Variants in PFKP observed in about 807,000 individuals in gnomAD.
PFKP encodes the protein ATP-dependent 6-phosphofructokinase, platelet type.
PFKP carries 101 observed loss-of-function variants against 94.3 expected under a neutral mutation model. The ratio of observed to expected loss-of-function variants is 1.07; its 90% CI spans 0.91 to 1.26. The LOEUF (loss-of-function observed/expected upper bound fraction) is 1.26. Among genes scored for constraint, PFKP ranks in the 50% most tolerant of loss-of-function variants. The pLI, the probability that PFKP is intolerant of heterozygous loss-of-function variation, is 0.00. For synonymous variants in PFKP, 573 were observed against 432.6 expected (o/e 1.32, Z -4.03); for missense variants, 1,145 against 1,103.3 (o/e 1.04, Z -0.53).
chr10:3,115,703 A>T (rs9423680), intron 13 of PFKP, among the ~76,000 whole-genome samples: 48,728 of 152,070 alleles, frequency 0.32, 8,158 homozygotes, highest in African/African-American at 0.39. Context: ...GTCTCCACGT[A>T]GTTAAAGATG....
chr10:3,096,511 G>A (rs935766412), intron 2 of PFKP, among the ~76,000 whole-genome samples: 8 of 152,100 alleles, frequency 5.3e-5, no homozygotes, highest in Non-Finnish European at 8.8e-5. Context: ...GGGAGGTCCC[G>A]GTTTCTGCTG....
chr10:3,129,895 G>A lies in PFKP; in HGVS notation c.1760G>A (p.Cys587Tyr). The A allele has an allele frequency of 6.2e-7, 1 of 1,613,446 alleles. No homozygotes were observed. Among genetic ancestry groups the A allele is most frequent in the Non-Finnish European group, 8.5e-7 (1 of 1,179,856 alleles). The change falls in exon 17 of 22, where the codon TGT becomes TAT. Residue 587 changes from cysteine to tyrosine, a missense_variant. Physicochemically the swap from Cys to Tyr is radical, Grantham distance 194 (BLOSUM62 -2). This residue lies in a region of PFKP where 1,119 missense variants were observed against 1,062.8 expected (regional missense o/e 1.05). Coordinates refer to ENST00000381125, the MANE Select transcript of PFKP (RefSeq NM_002627.5). ...ATCATCGAGACCATGGGCGGCTACTGTGGCTACCTGGCCAACATGGGGGGG... is the reference window on the plus strand; with the variant it reads ...ATCATCGAGACCATGGGCGGCTACTATGGCTACCTGGCCAACATGGGGGGG... ...VFIIETMGGY[C>Y]GYLANMGGLA...
chr10:3,112,686 T>A (rs1325036890), intron 11 of PFKP, among the ~76,000 whole-genome samples: 1 of 152,178 alleles, frequency 6.6e-6, no homozygotes, highest in African/African-American at 2.4e-5. Context: ...GCCTCCCAAG[T>A]AGCTGCGACT....
intron 6 of PFKP, 101 bp from the exon 7 acceptor site, chr10:3,105,292 C>CT: frequency 7.7e-7 from 1 of 1,297,110 alleles, no homozygotes; most frequent in South Asian, 1.2e-5. Context: ...CGCTTCATAC[C>CT]TGGCGTTAGG....
intron 5 of PFKP, chr10:3,104,729 C>A (rs1055529279): frequency 6.6e-6 from 2 of 303,656 alleles, no homozygotes; most frequent in Non-Finnish European, 1.2e-5. Context: ...CACTTGTTTC[C>A]GTGGGAGAGA....
chr10:3,105,569 G>A (rs1046781909), intron 7 of PFKP, 68 bp downstream of exon 7: 5 of 1,123,682 alleles, frequency 4.4e-6, no homozygotes, highest in Non-Finnish European at 6.8e-6. Context: ...AGGATCCCAA[G>A]TGGGACGGCA....
chr10:3,095,775 G>A (rs1428142428), intron 2 of PFKP, among the ~76,000 whole-genome samples: 1 of 152,190 alleles, frequency 6.6e-6, no homozygotes, highest in Non-Finnish European at 1.5e-5. Flanking sequence ...TCCTAATTTA[G>A]TAATATCTTC....
At chr10:3,099,676 G>A in intron 3 of PFKP, among the ~76,000 whole-genome samples, 1 of 152,234 alleles carries the variant, frequency 6.6e-6, no homozygotes, top group Non-Finnish European at 1.5e-5. Context: ...AAGAGAGGTG[G>A]AGGGAATTTT....
chr10:3,093,889 C>T (rs138797953), intron 2 of PFKP, among the ~76,000 whole-genome samples: 3,593 of 152,208 alleles, frequency 0.024, 147 homozygotes, highest in African/African-American at 0.083. Context: ...GTGATCCGCC[C>T]GCCTTGGCCT....
At chr10:3,113,683 T>C (rs1836500421) in intron 13 of PFKP, among the ~76,000 whole-genome samples, 165 bp downstream of exon 13, 1 of 148,584 alleles carries the variant, frequency 6.7e-6, no homozygotes, top group South Asian at 2.1e-4. Flanking sequence ...AATCTCACCC[T>C]AAGGTAGGTT....
intron 1 of PFKP, among the ~76,000 whole-genome samples, chr10:3,081,858 T>C (rs1833105213): frequency 6.6e-6 from 1 of 151,226 alleles, no homozygotes; most frequent in Admixed American, 6.6e-5. Context: ...ATAACACTGT[T>C]CTTCTCAAGG....
intron 15 of PFKP, 48 bp downstream of exon 15, chr10:3,118,917 C>T (rs768381483): frequency 2.1e-6 from 3 of 1,413,078 alleles, no homozygotes; most frequent in South Asian, 1.2e-5. Flanking sequence ...TGAGCCGCGC[C>T]CTGTGTTGGC....
At chr10:3,134,710 A>G in intron 20 of PFKP, 128 bp downstream of exon 20, 2 of 625,878 alleles carry the variant, frequency 3.2e-6, no homozygotes, top group Non-Finnish European at 5.7e-6. Flanking sequence ...GCTGCACGTG[A>G]TGTTTTACTC....
intron 2 of PFKP, among the ~76,000 whole-genome samples, chr10:3,095,233 C>CGCGCATAGGTGAAAT (rs534523216): frequency 6.6e-6 from 1 of 151,308 alleles, no homozygotes. Context: ...CCGAGAAAGC[C>CGCGCATAGGTGAAAT]ACCCATAGGT....
chr10:3,110,742 G>T (rs551021660), intron 10 of PFKP, among the ~76,000 whole-genome samples: 5 of 152,118 alleles, frequency 3.3e-5, no homozygotes, highest in African/African-American at 1.2e-4. Flanking sequence ...GTGTGCATGT[G>T]TATCTCTGTA....
intron 18 of PFKP, among the ~76,000 whole-genome samples, chr10:3,132,653 T>C (rs528449435): frequency 6.6e-6 from 1 of 152,360 alleles, no homozygotes; most frequent in East Asian, 1.9e-4. Context: ...TAGTCTCTTA[T>C]TCTTTGATAT....
At position 3,129,971 on chromosome 10, in the gene PFKP, C is replaced by T. The variant is rs187306949; in HGVS notation, c.1836C>T (p.Ile612=). 1.3e-6 allele frequency: 2 copies of T among 1,579,160 alleles called. No individual in the cohort carries two copies. The highest frequency in any genetic ancestry group is 1.3e-5 in the African/African-American group (1 of 74,586). ...AAYIFEEPFD[I]RDLQSNVEHL... is the part of the protein sequence containing the mutation. Reference sequence around the variant, plus strand: ...ACATTTTCGAAGAGCCCTTCGACATCAGGGATCTGCAGGTATGTGACGGGG... The same window carrying T: ...ACATTTTCGAAGAGCCCTTCGACATTAGGGATCTGCAGGTATGTGACGGGG... The change falls in exon 17 of 22, where the codon ATC becomes ATT. Residue 612 remains isoleucine, a synonymous_variant. Coordinates refer to ENST00000381125, the MANE Select transcript of PFKP (RefSeq NM_002627.5).
intron 1 of PFKP, among the ~76,000 whole-genome samples, chr10:3,077,274 T>TTTTC (rs1832684969): frequency 1.5e-5 from 2 of 137,288 alleles, no homozygotes; most frequent in Admixed American, 7.3e-5. Context: ...TTTTTTTTTT[T>TTTTC]TTTTTTGAGA....
At chr10:3,122,622 C>T (rs1312152410) in intron 16 of PFKP, among the ~76,000 whole-genome samples, 2 of 152,200 alleles carry the variant, frequency 1.3e-5, no homozygotes, top group African/African-American at 2.4e-5. Context: ...GTCCTGAAGC[C>T]GCCGGAGGCT....
Sources: allele counts gnomAD v4.1 joint callset (sites outside exome capture counted in the v4.1 genomes callset), GRCh38; gene constraint gnomAD v4.1.1; regional missense constraint gnomAD v4.1.1; transcripts MANE v1.5; gene names NCBI Gene and HGNC (gene_info 2026-07-23, HGNC 2026-07-21).